SNTG2: variants seen among roughly 807,000 people sequenced by gnomAD.
SNTG2 encodes the protein gamma-2-syntrophin.
A neutral mutation model predicts 70.9 loss-of-function variants in SNTG2; 74 were observed. The ratio of observed to expected loss-of-function variants is 1.04; its 90% confidence interval spans 0.86 to 1.27. The LOEUF (loss-of-function observed/expected upper bound fraction) is 1.27, where lower values mean the gene tolerates loss of function less well. Among genes scored for constraint, SNTG2 ranks in the 50% most tolerant of loss-of-function variants. SNTG2 has a pLI of 0.00. For synonymous variants in SNTG2, 278 were observed against 273.8 expected (o/e 1.02, Z -0.15); for missense variants, 717 against 690.7 (o/e 1.04, Z -0.43).
intron 9 of SNTG2, among the ~76,000 whole-genome samples, chr2:1,232,217 G>A (rs896612058): frequency 1.3e-4 from 20 of 152,180 alleles, no homozygotes; most frequent in Non-Finnish European, 2.9e-5. Flanking sequence ...AGACACCACA[G>A]GGGAGAAATT....
chr2:1,320,533 TCA>T (rs1491240831), intron 16 of SNTG2, among the ~76,000 whole-genome samples: 1 of 51,030 alleles, frequency 2.0e-5, no homozygotes, highest in Admixed American at 2.9e-4. Context: ...AGACTCCTTC[TCA>T]AAAAAAAAAA....
At chr2:1,124,925 A>C (rs1434370422) in intron 4 of SNTG2, among the ~76,000 whole-genome samples, 2 of 152,178 alleles carry the variant, frequency 1.3e-5, no homozygotes, top group African/African-American at 2.4e-5. Flanking sequence ...GATTCCTGCT[A>C]CATTTTAGCT....
intron 4 of SNTG2, among the ~76,000 whole-genome samples, chr2:1,134,899 C>G (rs922670400): frequency 2.0e-5 from 3 of 152,224 alleles, no homozygotes; most frequent in African/African-American, 7.2e-5. Context: ...CGAGAGAAAT[C>G]AAGCGCAACA....
chr2:1,352,026 C>T (rs1660607266), intron 16 of SNTG2, among the ~76,000 whole-genome samples: 1 of 152,164 alleles, frequency 6.6e-6, no homozygotes, highest in Non-Finnish European at 1.5e-5. Flanking sequence ...GTCCCTGGCC[C>T]TGCAGAGTGG....
chr2:1,033,481 G>C (rs1160777407), intron 1 of SNTG2, among the ~76,000 whole-genome samples: 1 of 152,128 alleles, frequency 6.6e-6, no homozygotes, highest in Non-Finnish European at 1.5e-5. Context: ...TGAGGCCGCT[G>C]GTGTTGAAGG....
At chr2:1,155,055 T>C (rs1237660953) in intron 6 of SNTG2, among the ~76,000 whole-genome samples, 4 of 143,928 alleles carry the variant, frequency 2.8e-5, no homozygotes, top group Middle Eastern at 4.0e-3. Context: ...ACCACACACA[T>C]AAACACAAAC....
chr2:1,177,411 C>T (rs1214800749), intron 8 of SNTG2, among the ~76,000 whole-genome samples: 3 of 151,584 alleles, frequency 2.0e-5, no homozygotes, highest in Admixed American at 2.0e-4. Flanking sequence ...TTGATAGGTG[C>T]AGCAAACCAC....
At chr2:1,335,497 G>T (rs1256189644) in intron 16 of SNTG2, among the ~76,000 whole-genome samples, 1 of 152,146 alleles carries the variant, frequency 6.6e-6, no homozygotes, top group East Asian at 1.9e-4. Flanking sequence ...GGAAGTTAGA[G>T]CATTAAAACA....
chr2:1,239,856 C>T (rs1676936577), intron 11 of SNTG2, 80 bp downstream of exon 11: 9 of 1,509,860 alleles, frequency 6.0e-6, no homozygotes, highest in African/African-American at 1.4e-5. Context: ...TAACACATCT[C>T]GAAAAGCAGT....
chr2:1,135,419 T>C (rs1355499854), intron 4 of SNTG2, among the ~76,000 whole-genome samples: 1 of 152,166 alleles, frequency 6.6e-6, no homozygotes, highest in Non-Finnish European at 1.5e-5. Flanking sequence ...TAGGTATCAT[T>C]TTAAAAACAC....
chr2:1,295,380 G>A (rs767963521), intron 14 of SNTG2, among the ~76,000 whole-genome samples: 2 of 152,326 alleles, frequency 1.3e-5, no homozygotes, highest in Non-Finnish European at 2.9e-5. Flanking sequence ...TATAGGGAGA[G>A]TACCTTTTTT....
intron 2 of SNTG2, among the ~76,000 whole-genome samples, chr2:1,084,679 AC>A (rs1335753895): frequency 2.6e-5 from 4 of 152,216 alleles, no homozygotes; most frequent in African/African-American, 4.8e-5. Context: ...TTTACAAAGA[AC>A]AGAAATGCAT....
chr2:1,230,702 C>T (rs566867387), intron 9 of SNTG2, among the ~76,000 whole-genome samples: 2 of 152,336 alleles, frequency 1.3e-5, no homozygotes, highest in South Asian at 2.1e-4. Context: ...TGGTCGACAG[C>T]GTGGGGCGCC....
intron 6 of SNTG2, among the ~76,000 whole-genome samples, chr2:1,152,799 A>T (rs1669601823): frequency 6.6e-6 from 1 of 152,154 alleles, no homozygotes; most frequent in South Asian, 2.1e-4. Context: ...CTTAAAGTTA[A>T]CTGATCATAG....
chr2:1,206,923 A>T (rs1673667242), intron 8 of SNTG2, among the ~76,000 whole-genome samples: 1 of 152,212 alleles, frequency 6.6e-6, no homozygotes, highest in African/African-American at 2.4e-5. Flanking sequence ...CTGCAAACAG[A>T]TAGCACACTG....
chr2:1,267,126 G>T (rs1282522868), intron 13 of SNTG2, among the ~76,000 whole-genome samples: 1 of 152,116 alleles, frequency 6.6e-6, no homozygotes, highest in African/African-American at 2.4e-5. Flanking sequence ...TATTTTAAGG[G>T]AAAGGCACTT....
At chr2:1,187,130 TTAA>T (rs1323908409) in intron 8 of SNTG2, among the ~76,000 whole-genome samples, 1 of 152,184 alleles carries the variant, frequency 6.6e-6, no homozygotes, top group East Asian at 1.9e-4. Flanking sequence ...GAATACATAA[TTAA>T]TGATAATTTT....
At chr2:1,227,467 A>T (rs756257168) in intron 9 of SNTG2, among the ~76,000 whole-genome samples, 2 of 152,234 alleles carry the variant, frequency 1.3e-5, no homozygotes, top group African/African-American at 2.4e-5. Flanking sequence ...GGAGCCGCCC[A>T]TGTGACTCTA....
chr2:1,330,554 A>G, intron 16 of SNTG2, among the ~76,000 whole-genome samples: 1 of 152,174 alleles, frequency 6.6e-6, no homozygotes, highest in Non-Finnish European at 1.5e-5. Flanking sequence ...AGTTAAAGGA[A>G]AACTCTCAAA....
Sources: allele counts gnomAD v4.1 joint callset (sites outside exome capture counted in the v4.1 genomes callset), GRCh38; gene constraint gnomAD v4.1.1; transcripts MANE v1.5; gene names NCBI Gene and HGNC (gene_info 2026-07-23, HGNC 2026-07-21).